VAT1L: variants seen among roughly 807,000 people sequenced by gnomAD.
VAT1L encodes the protein vesicle amine transport 1 like.
Under a neutral mutation model 44.1 loss-of-function variants are expected in VAT1L, and 34 were observed. The ratio of observed to expected loss-of-function variants is 0.77; its 90% CI spans 0.59 to 1.03. The LOEUF (loss-of-function observed/expected upper bound fraction) is 1.03, where lower values mean the gene tolerates loss of function less well. Among genes scored for constraint, VAT1L ranks in the 50% least tolerant of loss-of-function variants. The pLI is 0.00. For synonymous variants in VAT1L, 253 were observed against 202.2 expected (o/e 1.25, Z -2.13); for missense variants, 615 against 538.8 (o/e 1.14, Z -1.40).
chr16:77,934,386 AG>A (rs1353956773), intron 7 of VAT1L, among the ~76,000 whole-genome samples: 1 of 152,114 alleles, frequency 6.6e-6, no homozygotes, highest in African/African-American at 2.4e-5. Context: ...AGGATTTTAC[AG>A]GTGTGATTAA....
At chr16:77,875,286 C>T (rs1042041099) in intron 4 of VAT1L, among the ~76,000 whole-genome samples, 2 of 152,222 alleles carry the variant, frequency 1.3e-5, no homozygotes, top group African/African-American at 4.8e-5. Flanking sequence ...AGGAGATGTA[C>T]ATGCAGTTTC....
chr16:77,836,584 T>C (rs1385700284), intron 3 of VAT1L, among the ~76,000 whole-genome samples: 1 of 152,172 alleles, frequency 6.6e-6, no homozygotes. Context: ...CTGAGATATG[T>C]TGTGGAACGA....
chr16:77,841,969 G>A (rs2016710836), intron 3 of VAT1L, among the ~76,000 whole-genome samples: 2 of 151,872 alleles, frequency 1.3e-5, no homozygotes, highest in African/African-American at 4.8e-5. Flanking sequence ...CTCATGGCAA[G>A]CTCCACCTCC....
At chr16:77,922,394 C>A (rs1196247508) in intron 7 of VAT1L, among the ~76,000 whole-genome samples, 1 of 152,188 alleles carries the variant, frequency 6.6e-6, no homozygotes, top group Non-Finnish European at 1.5e-5. Context: ...TTCAAATGAA[C>A]AGACAAAGGG....
At chr16:77,954,919 G>T (rs1418648710) in intron 7 of VAT1L, among the ~76,000 whole-genome samples, 1 of 152,160 alleles carries the variant, frequency 6.6e-6, no homozygotes. Flanking sequence ...TTTTTTTAAA[G>T]ATCAACTCCA....
chr16:77,857,582 T>C (rs2016871634), intron 3 of VAT1L, among the ~76,000 whole-genome samples: 1 of 151,442 alleles, frequency 6.6e-6, no homozygotes, highest in Non-Finnish European at 1.5e-5. Flanking sequence ...GATTATTATA[T>C]ATTATACATA....
chr16:77,825,485 T>C (rs762251623), intron 3 of VAT1L, 24 bp downstream of exon 3: 2 of 1,556,234 alleles, frequency 1.3e-6, no homozygotes, highest in African/African-American at 1.4e-5. Flanking sequence ...TTGTAACTTC[T>C]CTTCTTTAAG....
At chr16:77,964,593 A>G (rs2018201456) in intron 7 of VAT1L, among the ~76,000 whole-genome samples, 1 of 152,030 alleles carries the variant, frequency 6.6e-6, no homozygotes, top group Non-Finnish European at 1.5e-5. Context: ...TCACTTCTAC[A>G]AAGTCCCTTT....
intron 3 of VAT1L, among the ~76,000 whole-genome samples, chr16:77,832,173 G>A (rs1421089276): frequency 6.6e-6 from 1 of 151,806 alleles, no homozygotes; most frequent in South Asian, 2.1e-4. Context: ...GCAATGTCAG[G>A]TGTTGGCATT....
At chr16:77,794,099 C>G (rs146038745) in intron 1 of VAT1L, among the ~76,000 whole-genome samples, 1 of 152,200 alleles carries the variant, frequency 6.6e-6, no homozygotes, top group African/African-American at 2.4e-5. Context: ...TTTGGAGAAT[C>G]AGACAGACAC....
chr16:77,888,589 C>T (rs1337098052), intron 7 of VAT1L, among the ~76,000 whole-genome samples: 2 of 152,204 alleles, frequency 1.3e-5, no homozygotes, highest in African/African-American at 4.8e-5. Flanking sequence ...GTTTCTCAGC[C>T]TGGGCATGAT....
chr16:77,903,637 G>T (rs1037168750), intron 7 of VAT1L, among the ~76,000 whole-genome samples: 1 of 151,862 alleles, frequency 6.6e-6, no homozygotes, highest in Non-Finnish European at 1.5e-5. Context: ...TTTGGAGATC[G>T]CCTTGGGTGT....
chr16:77,876,479 T>G lies in VAT1L; in HGVS notation c.826+6T>G. On this transcript the variant is annotated splice_donor_region_variant and intron_variant, in intron 5 of 8. Transcript: ENST00000302536. Reference sequence around the variant, plus strand: ...GGGAACCTACATTTTATATGGTGAGTGCAAAACAGCAGCAGGGACGTGGTC... The same window carrying G: ...GGGAACCTACATTTTATATGGTGAGGGCAAAACAGCAGCAGGGACGTGGTC... The G allele has an allele frequency of 6.2e-7, 1 of 1,613,370 alleles. No individual in the cohort carries two copies. Among genetic ancestry groups the G allele is most frequent in the Non-Finnish European group, 8.5e-7 (1 of 1,179,316 alleles).
At chr16:77,853,520 G>A (rs1440513519) in intron 3 of VAT1L, among the ~76,000 whole-genome samples, 1 of 152,094 alleles carries the variant, frequency 6.6e-6, no homozygotes, top group African/African-American at 2.4e-5. Context: ...GCATCATGGG[G>A]CCTTTCTCCT....
At chr16:77,954,469 AT>A (rs1567521015) in intron 7 of VAT1L, among the ~76,000 whole-genome samples, 1 of 152,130 alleles carries the variant, frequency 6.6e-6, no homozygotes, top group Non-Finnish European at 1.5e-5. Flanking sequence ...TACTAAAACT[AT>A]AAAAATTAGC....
chr16:77,878,847 G>A (rs1156875431), intron 5 of VAT1L, among the ~76,000 whole-genome samples: 2 of 152,104 alleles, frequency 1.3e-5, no homozygotes, highest in Non-Finnish European at 2.9e-5. Flanking sequence ...CAGCCTCAAA[G>A]AACAGACCTA....
intron 7 of VAT1L, among the ~76,000 whole-genome samples, chr16:77,899,110 C>G (rs1187498979): frequency 6.6e-6 from 1 of 152,222 alleles, no homozygotes; most frequent in Non-Finnish European, 1.5e-5. Flanking sequence ...ATTAGCTCAT[C>G]TAGACTCATG....
chr16:77,966,966 C>G (rs888826420), intron 7 of VAT1L, among the ~76,000 whole-genome samples: 2 of 143,568 alleles, frequency 1.4e-5, no homozygotes, highest in African/African-American at 5.1e-5. Flanking sequence ...AAAAGCACCT[C>G]TGGTGGTCCC....
At chr16:77,845,525 A>T (rs2016750000) in intron 3 of VAT1L, among the ~76,000 whole-genome samples, 1 of 152,114 alleles carries the variant, frequency 6.6e-6, no homozygotes, top group African/African-American at 2.4e-5. Context: ...CATTCCAACT[A>T]AACTATATGC....
Sources: allele counts gnomAD v4.1 joint callset (sites outside exome capture counted in the v4.1 genomes callset), GRCh38; gene constraint gnomAD v4.1.1; transcripts MANE v1.5; gene names NCBI Gene and HGNC (gene_info 2026-07-23, HGNC 2026-07-21).